Variants in DNAH3 observed in about 807,000 individuals in gnomAD.
DNAH3 encodes the protein dynein axonemal heavy chain 3.
Under a neutral mutation model 432.5 loss-of-function variants are expected in DNAH3, and 332 were observed. The observed-to-expected ratio is 0.77, with a 90% CI of 0.70 to 0.84. The LOEUF (loss-of-function observed/expected upper bound fraction) is 0.84, where lower values mean the gene tolerates loss of function less well. Ranked by LOEUF, DNAH3 falls within the 40% of genes least tolerant of loss-of-function variation. The pLI is 0.00. For missense variants in DNAH3, 4,861 were observed against 5,114.0 expected (o/e 0.95, Z 1.51); for synonymous variants, 1,956 against 1,900.2 (o/e 1.03, Z -0.76).
At chr16:21,028,541 C>T (rs971916990) in intron 37 of DNAH3, among the ~76,000 whole-genome samples, 23 of 150,640 alleles carry the variant, frequency 1.5e-4, no homozygotes, top group African/African-American at 5.4e-4. Context: ...CATGGTGGCA[C>T]GCATCTGTAA....
At chr16:21,046,278 T>TA (rs1427310741) in intron 31 of DNAH3, among the ~76,000 whole-genome samples, 4 of 146,278 alleles carry the variant, frequency 2.7e-5, no homozygotes, top group African/African-American at 1.0e-4. Flanking sequence ...AGTGGGGTGT[T>TA]AAAGTCTCCC....
chr16:21,152,530 G>A (rs1048972105), intron 1 of DNAH3, among the ~76,000 whole-genome samples: 1 of 152,272 alleles, frequency 6.6e-6, no homozygotes, highest in African/African-American at 2.4e-5. Flanking sequence ...CCGCTGCACT[G>A]TGAGAGCTCC....
chr16:20,946,314 G>A (rs937605806), intron 57 of DNAH3, among the ~76,000 whole-genome samples: 23 of 152,186 alleles, frequency 1.5e-4, no homozygotes, highest in African/African-American at 4.3e-4. Flanking sequence ...ATCAGAAAAC[G>A]TTTAAATCTA....
chr16:21,020,341 A>AGTGT (rs1196037950), intron 40 of DNAH3, among the ~76,000 whole-genome samples: 1,326 of 58,384 alleles, frequency 0.023, 74 homozygotes, highest in African/African-American at 0.04. Flanking sequence ...ATAATAATAT[A>AGTGT]GTGTGTGTAT....
At chr16:21,029,660 G>A (rs138643328) in intron 37 of DNAH3, among the ~76,000 whole-genome samples, 4 of 152,214 alleles carry the variant, frequency 2.6e-5, no homozygotes, top group Non-Finnish European at 5.9e-5. Context: ...ATACTGTGGC[G>A]CCATACTTAC....
rs145965244 is a variant in DNAH3 at position 20,948,615 on chromosome 16, T to G, written c.11211A>C (p.Arg3737Ser). Residue 3737 changes from arginine to serine, a missense_variant, in exon 57 of 62, where the codon AGA (arginine) becomes AGC (serine). By Grantham distance (110) the Arg-to-Ser change is moderately radical. Coordinates refer to ENST00000261383, the Ensembl canonical transcript of DNAH3. ...GACGCCGGTCTTTGTCATCAGTCAC[T>G]CTGCCTCCGTAATTACATTCCCCTG... 2.5e-6 allele frequency: 4 copies of G among 1,613,998 alleles called. No individual in the cohort carries two copies. The South Asian group carries it at 4.4e-5, about 18-fold the overall frequency.
chr16:20,957,588 G>A lies in DNAH3; in HGVS notation c.10826+1591C>T, dbSNP rs554621844. Reference sequence around the variant, plus strand: ...AGCACTTTGGGAGGCTGAGGTGGGCGGATCACCTAAGGTTGGGAGTTCAAG... The same window carrying A: ...AGCACTTTGGGAGGCTGAGGTGGGCAGATCACCTAAGGTTGGGAGTTCAAG... On this transcript the variant is annotated intron_variant, in intron 54 of 61. Transcript: ENST00000261383. Among the ~76,000 whole-genome samples the A allele has an allele frequency of 1.8e-4, 28 of 151,934 alleles. No individual in the cohort carries two copies. The South Asian group carries it at 5.0e-3, about 27-fold the overall frequency.
chr16:21,155,883 G>A (rs1206372965), intron 1 of DNAH3, among the ~76,000 whole-genome samples: 1 of 152,192 alleles, frequency 6.6e-6, no homozygotes, highest in African/African-American at 2.4e-5. Flanking sequence ...TTATTCAGAG[G>A]CTGGTATTCC....
intron 23 of DNAH3, among the ~76,000 whole-genome samples, chr16:21,068,655 C>T (rs1024778728): frequency 6.6e-6 from 1 of 152,176 alleles, no homozygotes; most frequent in Non-Finnish European, 1.5e-5. Flanking sequence ...ATATTCTTGC[C>T]ACCTTCAAGT....
chr16:21,105,754 ACT>A (rs1196788151), intron 15 of DNAH3, among the ~76,000 whole-genome samples: 2 of 152,038 alleles, frequency 1.3e-5, no homozygotes, highest in Admixed American at 6.6e-5. Flanking sequence ...ACAGAGCAAG[ACT>A]CTGTCTCGAC....
chr16:21,057,233 AC>A (rs1301939647), intron 27 of DNAH3, among the ~76,000 whole-genome samples: 15 of 152,208 alleles, frequency 9.9e-5, no homozygotes, highest in African/African-American at 3.6e-4. Context: ...ACATAGTGAG[AC>A]CCCCGTCTCT....
At chr16:21,158,673 C>T (rs1449284552) in intron 1 of DNAH3, 1 of 152,792 alleles carries the variant, frequency 6.5e-6, no homozygotes, top group Non-Finnish European at 1.5e-5. Context: ...TTTCCTTCTT[C>T]CTCTTGTTCC....
intron 40 of DNAH3, 53 bp downstream of exon 40, chr16:21,021,918 A>G: frequency 2.5e-6 from 4 of 1,593,918 alleles, no homozygotes; most frequent in Non-Finnish European, 3.4e-6. Context: ...AAAAAGAAAT[A>G]GCCAAGGTAG....
At chr16:20,948,711 C>T (rs2084171594) in intron 56 of DNAH3, 74 bp from the exon 57 acceptor site, 11 of 1,511,660 alleles carry the variant, frequency 7.3e-6, no homozygotes, top group Admixed American at 1.8e-5. Context: ...ATGTAAAACA[C>T]GGCATTCTTC....
At chr16:21,139,650 T>TA (rs1445515791) in intron 5 of DNAH3, among the ~76,000 whole-genome samples, 1 of 151,892 alleles carries the variant, frequency 6.6e-6, no homozygotes, top group Non-Finnish European at 1.5e-5. Flanking sequence ...CTAATTTTTG[T>TA]AGAGATTGGG....
chr16:20,943,702 T>G lies in DNAH3; in HGVS notation c.11511+794A>C, dbSNP rs186074880. ...GGAAGAACTTAACAACTGTTAACGC[T>G]GGGAGCAGTGGCTCACGCCTGTAAT... On this transcript the variant is annotated intron_variant, in intron 58 of 61. Transcript: ENST00000261383. Among the ~76,000 whole-genome samples, 276 of 152,322 alleles carry G rather than the reference T, an allele frequency of 1.8e-3. 2 individuals carry two copies. The highest frequency in any genetic ancestry group is 1.4e-3 in the Non-Finnish European group (96 of 68,032).
intron 59 of DNAH3, among the ~76,000 whole-genome samples, chr16:20,938,109 T>TA (rs1176697139): frequency 1.1e-4 from 17 of 152,162 alleles, no homozygotes; most frequent in African/African-American, 4.1e-4. Context: ...AAGAGGAATG[T>TA]AGCTGGGTGT....
chr16:21,079,517 G>A (rs2091103168), intron 20 of DNAH3, among the ~76,000 whole-genome samples: 1 of 152,176 alleles, frequency 6.6e-6, no homozygotes, highest in South Asian at 2.1e-4. Context: ...CAGCCACTCG[G>A]GAGGCTGAGG....
At chr16:21,021,107 C>T (rs376456698) in intron 40 of DNAH3, among the ~76,000 whole-genome samples, 1 of 152,122 alleles carries the variant, frequency 6.6e-6, no homozygotes. Context: ...TGCAAAATTA[C>T]AATACATTTT....
Sources: allele counts gnomAD v4.1 joint callset (sites outside exome capture counted in the v4.1 genomes callset), GRCh38; gene constraint gnomAD v4.1.1; transcripts MANE v1.5; gene names NCBI Gene and HGNC (gene_info 2026-07-23, HGNC 2026-07-21).